The following CACNA1C variants were observed in gnomAD, a reference collection of about 807,000 sequenced individuals.
The protein encoded by CACNA1C is calcium voltage-gated channel subunit alpha1 C.
Under a neutral mutation model 229.0 loss-of-function variants are expected in CACNA1C, and 30 were observed. The ratio of observed to expected loss-of-function variants is 0.13; its 90% CI spans 0.10 to 0.18. The LOEUF is 0.18. Among genes scored for constraint, CACNA1C ranks in the 10% least tolerant of loss-of-function variants. The probability of loss-of-function intolerance (pLI) is 1.00; values close to 1 mark genes in which losing one functional copy is unlikely to be tolerated. For synonymous variants in CACNA1C, 1,114 were observed against 1,132.5 expected, an observed-to-expected ratio of 0.98 and a Z score of 0.33; for missense variants, 1,658 against 2,845.0, an observed-to-expected ratio of 0.58 and a Z score of 9.49.
chr12:2,504,869 C>T lies in CACNA1C; in HGVS notation c.1141C>T (p.Pro381Ser), dbSNP rs786205775. The T allele has an allele frequency of 6.2e-7, 1 of 1,601,512 alleles. No individual in the cohort carries two copies. The highest frequency in any genetic ancestry group is 2.2e-5 in the East Asian group (1 of 44,804). The part of the protein sequence containing the change: ...WVNDAVGRDW[P>S]WIYFVTLIII... ...CAATGATGCCGTAGGAAGGGACTGG[C>T]CCTGGATCTATTTTGTTACACTAAT... The change falls in exon 8 of 47, where the codon CCC becomes TCC. Residue 381 changes from proline (P) to serine (S), a missense_variant. Pro to Ser is a moderately conservative substitution (Grantham distance 74). Coordinates refer to ENST00000399655, the MANE Select transcript of CACNA1C (RefSeq NM_000719.7). This position sits in a 1 kb window ranked among gnomAD's most constrained non-coding sequence, Gnocchi z 6.8.
chr12:2,493,159 C>G lies in CACNA1C; in HGVS notation c.917-31C>G. ...CCCACATCTCTCCCTCCCTGCTGCTCCCGTCTCCTGTCTTCTTCTGGCCAT... is the reference window on the plus strand; with the variant it reads ...CCCACATCTCTCCCTCCCTGCTGCTGCCGTCTCCTGTCTTCTTCTGGCCAT... On this transcript the variant is annotated intron_variant, in intron 6 of 46. Coordinates refer to ENST00000399655, the MANE Select transcript of CACNA1C (RefSeq NM_000719.7). This position sits in a 1 kb window ranked among gnomAD's most constrained non-coding sequence, Gnocchi z 4.6. 3.8e-6 allele frequency: 6 copies of G among 1,592,622 alleles called. No homozygotes were observed. Among genetic ancestry groups the G allele is most frequent in the Non-Finnish European group, 5.2e-6 (6 of 1,160,940 alleles).
At chr12:2,556,813 T>C in intron 10 of CACNA1C, 138 bp from the exon 11 acceptor site, 1 of 745,198 alleles carries the variant, frequency 1.3e-6, no homozygotes, top group South Asian at 1.5e-5. Context: ...TCCCAAGATG[T>C]TCTAGTTCAC....
chr12:2,578,661 C>G (rs74053836), intron 13 of CACNA1C, among the ~76,000 whole-genome samples: 2,418 of 152,270 alleles, frequency 0.016, 69 homozygotes, highest in African/African-American at 0.054. Context: ...AAGATGACTC[C>G]GAGGACTTTG....
intron 3 of CACNA1C, among the ~76,000 whole-genome samples, chr12:2,248,389 C>T (rs187581464): frequency 1.4e-3 from 220 of 152,314 alleles, no homozygotes; most frequent in African/African-American, 5.0e-3. Flanking sequence ...CAAGGACCCA[C>T]GGGATCATCC....
intron 3 of CACNA1C, among the ~76,000 whole-genome samples, chr12:2,186,580 A>G (rs974729122): frequency 2.0e-5 from 3 of 152,154 alleles, no homozygotes; most frequent in Non-Finnish European, 2.9e-5. Context: ...GATGTGCTGG[A>G]GACATTGCTT....
chr12:2,016,449 G>A (rs1467888113), intron 1 of CACNA1C, among the ~76,000 whole-genome samples: 2 of 151,316 alleles, frequency 1.3e-5, no homozygotes, highest in Non-Finnish European at 2.9e-5. Context: ...TTTTTTTTGA[G>A]ACGAAGTTTT....
chr12:2,463,125 G>A (rs1472711360), intron 5 of CACNA1C, among the ~76,000 whole-genome samples: 2 of 151,972 alleles, frequency 1.3e-5, no homozygotes, highest in African/African-American at 2.4e-5. Context: ...TAGCCAGGAT[G>A]GTCTCGATCT....
intron 42 of CACNA1C, chr12:2,680,679 G>T (rs981461294): frequency 3.4e-5 from 33 of 968,332 alleles, no homozygotes; most frequent in Non-Finnish European, 5.1e-5. Flanking sequence ...CACACCTGCC[G>T]CTGGCCTGCC....
intron 5 of CACNA1C, among the ~76,000 whole-genome samples, chr12:2,461,847 G>A (rs73248734): frequency 8.5e-4 from 130 of 152,220 alleles, no homozygotes; most frequent in African/African-American, 2.9e-3. Context: ...GGCCGCCCTC[G>A]CCTCCGTCCT....
chr12:2,097,780 G>A (rs947184124), intron 1 of CACNA1C, among the ~76,000 whole-genome samples: 1 of 152,214 alleles, frequency 6.6e-6, no homozygotes, highest in Non-Finnish European at 1.5e-5. Flanking sequence ...CTCTGCAGCT[G>A]GGAGAGCCCA....
Position 2,597,408 on chromosome 12 carries a change from C to A in CACNA1C, c.2853+119C>A. 5 of 1,573,050 alleles carry A rather than the reference C, an allele frequency of 3.2e-6. No homozygotes were observed. Among genetic ancestry groups the A allele is most frequent in the Non-Finnish European group, 4.4e-6 (5 of 1,142,744 alleles). On this transcript the variant is annotated intron_variant, in intron 21 of 46. Coordinates refer to ENST00000399655, the MANE Select transcript of CACNA1C (RefSeq NM_000719.7). This position sits in a 1 kb window ranked among gnomAD's most constrained non-coding sequence, Gnocchi z 4.3. ...GTTGGTGTGGGGTTCACTCTCAGAG[C>A]CACTAATCCAATTATGCTTATTTTT...
In CACNA1C at chr12:2,449,054, C is replaced by A; in HGVS notation, c.556C>A (p.His186Asn). The A allele has an allele frequency of 6.3e-7, 1 of 1,596,852 alleles. No homozygotes were observed. The highest frequency in any genetic ancestry group is 8.5e-7 in the Non-Finnish European group (1 of 1,170,084). ...AGTAATCGCCTATGGACTCCTCTTT[C>A]ACCCCAATGCCTACCTCCGCAACGG... The part of the protein sequence containing the change: ...LKVIAYGLLF[H>N]PNAYLRNGWN... The change falls in exon 4 of 47, where the codon CAC (histidine) becomes AAC (asparagine). Residue 186 changes from histidine to asparagine, a missense_variant. By Grantham distance (68) the His-to-Asn change is moderately conservative. Around this residue, in one of 20 missense-constraint regions of CACNA1C, gnomAD observed 89 missense variants for 177.8 expected, o/e 0.50. Coordinates refer to ENST00000399655, the MANE Select transcript of CACNA1C (RefSeq NM_000719.7).
chr12:2,653,303 C>A lies in CACNA1C; in HGVS notation c.4075-532C>A, dbSNP rs1287878461. On this transcript the variant is annotated intron_variant, in intron 32 of 46. Coordinates refer to ENST00000399655, the MANE Select transcript of CACNA1C (RefSeq NM_000719.7). The surrounding 1 kb of genome is among the most constrained non-coding windows in gnomAD (Gnocchi z 4.7). Reference sequence around the variant, plus strand: ...AGTTCAGAGAAGTTAAGTGCCCCAACCCTCACAGATAGAAAGTGGCAGAAA... The same window carrying A: ...AGTTCAGAGAAGTTAAGTGCCCCAAACCTCACAGATAGAAAGTGGCAGAAA... 6.6e-6 allele frequency among the ~76,000 whole-genome samples: 1 copy of A among 152,202 alleles called. No homozygotes were observed. Among genetic ancestry groups the A allele is most frequent in the Non-Finnish European group, 1.5e-5 (1 of 68,036 alleles).
chr12:2,232,049 T>C (rs892786579), intron 3 of CACNA1C, among the ~76,000 whole-genome samples: 6 of 152,156 alleles, frequency 3.9e-5, no homozygotes, highest in African/African-American at 1.4e-4. Context: ...TGATTAAAAC[T>C]GAGAAACTGA....
intron 3 of CACNA1C, among the ~76,000 whole-genome samples, chr12:2,420,240 C>T (rs891539732): frequency 2.0e-5 from 3 of 151,880 alleles, no homozygotes; most frequent in African/African-American, 7.3e-5. Flanking sequence ...CTAACTGAAC[C>T]TCCCTCCTCT....
intron 3 of CACNA1C, among the ~76,000 whole-genome samples, chr12:2,434,655 G>A (rs551013638): frequency 5.3e-5 from 8 of 152,302 alleles, no homozygotes; most frequent in Admixed American, 3.3e-4. Context: ...AGTTTGCATG[G>A]CATGTCCAAG....
Position 2,585,717 on chromosome 12 carries a change from CAAGTACCT to C in CACNA1C, c.2461-116_2461-109del. On this transcript the variant is annotated intron_variant, in intron 17 of 46. Coordinates refer to ENST00000399655, the MANE Select transcript of CACNA1C (RefSeq NM_000719.7). This position sits in a 1 kb window ranked among gnomAD's most constrained non-coding sequence, Gnocchi z 4.1. ...GTCTTGAAGGAGATATGCAAAGTGA[CAAGTACCT>C]ATTTTTGAGCTAAGTCACTGACTAA... 1 of 918,698 alleles carries C rather than the reference CAAGTACCT, an allele frequency of 1.1e-6. No individual in the cohort carries two copies. Among genetic ancestry groups the C allele is most frequent in the Non-Finnish European group, 1.8e-6 (1 of 570,844 alleles). 56.9% of individuals were successfully genotyped at this position (918,698 alleles called of 1,614,324 possible). A position where few individuals can be genotyped will look rare whatever the true frequency, so the allele number is the denominator to read the frequency against.
chr12:2,618,294 G>T (rs116073810), intron 29 of CACNA1C, among the ~76,000 whole-genome samples: 26 of 152,198 alleles, frequency 1.7e-4, no homozygotes, highest in Admixed American at 2.6e-4. Context: ...TGTGGGCCAG[G>T]CCTCTTTCCC....
rs139170366 is a variant in CACNA1C at position 2,529,686 on chromosome 12, T to C, written c.1390+16702T>C. Among the ~76,000 whole-genome samples the C allele has an allele frequency of 2.8e-3, 432 of 152,372 alleles. 4 individuals are homozygous for C. The highest frequency in any genetic ancestry group is 0.01 in the African/African-American group (424 of 41,592). On this transcript the variant is annotated intron_variant, in intron 9 of 46. Transcript: ENST00000399655. ...CATAAATTAATTTTTAATCTTCCAT[T>C]CCTTGCCTGTCAACATTTCTTTTTC...
Sources: gnomAD v4.1 joint callset for allele counts (sites outside exome capture counted in the v4.1 genomes callset) on GRCh38, gnomAD v4.1.1 for gene constraint, gnomAD v4.1.1 regional missense constraint, Gnocchi (gnomAD v3.1) non-coding constraint, MANE v1.5 for transcripts, NCBI Gene and HGNC (gene_info 2026-07-23, HGNC 2026-07-21) for gene names.